CNOT2: variants seen among roughly 807,000 people sequenced by gnomAD.
CNOT2 encodes CCR4-NOT transcription complex subunit 2, also known as CC chemokine receptor 4-negative regulator of transcription 2.
CNOT2 carries 7 observed loss-of-function variants against 72.1 expected under a neutral mutation model. The observed-to-expected ratio is 0.10, with a 90% CI of 0.06 to 0.18. The LOEUF (loss-of-function observed/expected upper bound fraction) is 0.18. Ranked by LOEUF, CNOT2 falls within the 10% of genes least tolerant of loss-of-function variation. The pLI is 1.00. For missense variants in CNOT2, 345 were observed against 660.3 expected (o/e 0.52, Z 5.23); for synonymous variants, 196 against 225.6 (o/e 0.87, Z 1.17).
Position 70,315,364 on chromosome 12 carries a change from G to C in CNOT2, c.172-3934G>C, listed in dbSNP as rs1877152670. On this transcript the variant is annotated intron_variant, in intron 3 of 15. Coordinates refer to ENST00000229195, the MANE Select transcript of CNOT2 (RefSeq NM_014515.7). ...GTCTCTTTTTCTCTTTGTAGATATG[G>C]TACAGTTAAAAAGTCATAATTCATT... is the stretch of plus-strand genomic sequence containing the variant. 2.0e-5 allele frequency among the ~76,000 whole-genome samples: 3 copies of C among 151,990 alleles called. No homozygotes were observed. In the South Asian group the frequency reaches 6.2e-4, roughly 32 times the overall value.
intron 2 of CNOT2, chr12:70,294,109 C>G: frequency 7.8e-7 from 1 of 1,287,920 alleles, no homozygotes; most frequent in Non-Finnish European, 1.0e-6. Context: ...TCTGGTTGGA[C>G]TTTCTTACTG....
intron 2 of CNOT2, among the ~76,000 whole-genome samples, chr12:70,283,895 T>C (rs1486081424): frequency 6.6e-6 from 1 of 151,556 alleles, no homozygotes; most frequent in African/African-American, 2.4e-5. Flanking sequence ...GATCACATGA[T>C]CAGCAACGGA....
intron 1 of CNOT2, among the ~76,000 whole-genome samples, chr12:70,262,350 T>A (rs968539353): frequency 6.6e-6 from 1 of 151,788 alleles, no homozygotes; most frequent in African/African-American, 2.4e-5. Context: ...CTCGGCTCAC[T>A]GCAAGCTCCA....
intron 1 of CNOT2, among the ~76,000 whole-genome samples, chr12:70,260,997 C>T (rs368365612): frequency 4.0e-5 from 6 of 151,516 alleles, no homozygotes; most frequent in African/African-American, 1.5e-4. Flanking sequence ...GAGTATATAC[C>T]TGTGTTTTTG....
chr12:70,265,631 G>A (rs1959004809), intron 1 of CNOT2, among the ~76,000 whole-genome samples: 1 of 151,210 alleles, frequency 6.6e-6, no homozygotes, highest in Admixed American at 6.6e-5. Context: ...TTCAATTTCT[G>A]TGTTTTTTCC....
Position 70,298,416 on chromosome 12 carries a change from T to C in CNOT2, c.49-12479T>C, listed in dbSNP as rs115569182. Among the ~76,000 whole-genome samples, 385 of 152,320 alleles carry C rather than the reference T, an allele frequency of 2.5e-3. 1 individual carries two copies. The highest frequency in any genetic ancestry group is 8.2e-3 in the African/African-American group (340 of 41,566). On this transcript the variant is annotated intron_variant, in intron 2 of 15. Coordinates refer to ENST00000229195, the MANE Select transcript of CNOT2 (RefSeq NM_014515.7). ...GGTTAAAAAGGGGGACTCCAGCAAA[T>C]TGGTCTGGGTTCAAAACCCATCTCC...
chr12:70,317,406 C>A (rs1877522010), intron 3 of CNOT2, among the ~76,000 whole-genome samples: 1 of 151,890 alleles, frequency 6.6e-6, no homozygotes, highest in South Asian at 2.1e-4. Flanking sequence ...TGGAAATGAA[C>A]TTTTAATATA....
intron 3 of CNOT2, among the ~76,000 whole-genome samples, chr12:70,314,897 C>T (rs992454166): frequency 2.0e-5 from 3 of 151,858 alleles, no homozygotes; most frequent in African/African-American, 7.3e-5. Context: ...GAATTTCGCT[C>T]TTGTTGCCCA....
chr12:70,243,662 A>AGAGCG (rs1400837500), intron 1 of CNOT2, 182 bp downstream of exon 1: 1 of 111,784 alleles, frequency 8.9e-6, no homozygotes, highest in Non-Finnish European at 1.9e-5. Flanking sequence ...CGAGAGACGG[A>AGAGCG]GAGCGGAGCG....
chr12:70,249,560 A>G (rs1417675427), intron 1 of CNOT2, among the ~76,000 whole-genome samples: 1 of 151,976 alleles, frequency 6.6e-6, no homozygotes, highest in Non-Finnish European at 1.5e-5. Flanking sequence ...GAAAATCGTG[A>G]TTTATTAAAT....
At chr12:70,245,949 C>G (rs916485329) in intron 1 of CNOT2, among the ~76,000 whole-genome samples, 2 of 152,110 alleles carry the variant, frequency 1.3e-5, no homozygotes, top group African/African-American at 4.8e-5. Context: ...TAACCCAGTT[C>G]TCATTTGTAT....
At chr12:70,273,673 T>C (rs1299050087) in intron 1 of CNOT2, among the ~76,000 whole-genome samples, 1 of 152,128 alleles carries the variant, frequency 6.6e-6, no homozygotes, top group Non-Finnish European at 1.5e-5. Context: ...ACTTTTGTCG[T>C]TTAAGATCAG....
chr12:70,299,601 A>G (rs540024103), intron 2 of CNOT2, among the ~76,000 whole-genome samples: 3 of 152,106 alleles, frequency 2.0e-5, no homozygotes, highest in East Asian at 3.9e-4. Context: ...TATGTGCCAC[A>G]TTTTCTTAAT....
At chr12:70,353,771 TTGA>T in intron 15 of CNOT2, 55 bp from the exon 16 acceptor site, 1 of 1,592,444 alleles carries the variant, frequency 6.3e-7, no homozygotes, top group Non-Finnish European at 8.5e-7. Context: ...AAAATGTATT[TTGA>T]CAAATGTAAA....
chr12:70,256,043 T>C (rs1006232064), intron 1 of CNOT2, among the ~76,000 whole-genome samples: 11 of 152,158 alleles, frequency 7.2e-5, no homozygotes, highest in African/African-American at 2.4e-4. Flanking sequence ...TAGAACAGTT[T>C]TCAATATCCA....
chr12:70,353,716 T>C, intron 15 of CNOT2, 113 bp from the exon 16 acceptor site: 1 of 1,473,716 alleles, frequency 6.8e-7, no homozygotes, highest in Non-Finnish European at 9.1e-7. Context: ...ATATCTGTGT[T>C]GATGTTGATT....
chr12:70,345,521 A>G (rs1271409781), intron 14 of CNOT2: 1 of 152,166 alleles, frequency 6.6e-6, no homozygotes, highest in African/African-American at 2.4e-5. Flanking sequence ...ATTTCTTTAC[A>G]TGGAGGTTTA....
At chr12:70,310,678 A>C (rs938810759) in intron 2 of CNOT2, among the ~76,000 whole-genome samples, 1 of 152,072 alleles carries the variant, frequency 6.6e-6, no homozygotes, top group Non-Finnish European at 1.5e-5. Context: ...GATAGGCTTT[A>C]TGTGATTCTC....
chr12:70,354,166 C>T lies in CNOT2; in HGVS notation c.*251C>T. 1.7e-6 allele frequency: 1 copy of T among 574,594 alleles called. No individual in the cohort carries two copies. Among genetic ancestry groups the T allele is most frequent in the African/African-American group, 1.9e-5 (1 of 51,892 alleles). 35.6% of individuals were successfully genotyped at this position (574,594 alleles called of 1,614,324 possible). ...AGGGTCTGAATTTTTTCATTTATTT[C>T]CTTTTTTGCCAGCAGACAGACTTGA... On this transcript the variant is annotated 3_prime_UTR_variant, in exon 16 of 16. Coordinates refer to ENST00000229195, the MANE Select transcript of CNOT2 (RefSeq NM_014515.7).
Sources: allele counts gnomAD v4.1 joint callset (sites outside exome capture counted in the v4.1 genomes callset), GRCh38; gene constraint gnomAD v4.1.1; transcripts MANE v1.5; gene names NCBI Gene and HGNC (gene_info 2026-07-23, HGNC 2026-07-21).